The following TAFA5 variants were observed in gnomAD, a reference collection of about 807,000 sequenced individuals.
TAFA5 encodes the protein TAFA chemokine like family member 5, also known as chemokine-like protein TAFA-5.
TAFA5 carries 6 observed loss-of-function variants against 15.3 expected under a neutral mutation model. The ratio of observed to expected loss-of-function variants is 0.39; its 90% CI spans 0.21 to 0.77. The LOEUF (loss-of-function observed/expected upper bound fraction) is 0.77. Among genes scored for constraint, TAFA5 ranks in the 30% least tolerant of loss-of-function variants. TAFA5 has a pLI of 0.41. For missense variants in TAFA5, 161 were observed against 193.1 expected (o/e 0.83, Z 0.98); for synonymous variants, 103 against 80.7 (o/e 1.28, Z -1.48).
intron 1 of TAFA5, among the ~76,000 whole-genome samples, chr22:48,507,914 C>G (rs1921060005): frequency 6.6e-6 from 1 of 152,182 alleles, no homozygotes. Flanking sequence ...CATCTGCAGC[C>G]CTGGCCTGGC....
intron 1 of TAFA5, chr22:48,544,807 A>G (rs1302192530): frequency 2.1e-6 from 1 of 471,118 alleles, no homozygotes; most frequent in African/African-American, 2.0e-5. Context: ...CGAGGCCTGC[A>G]AACAAGGTGT....
At chr22:48,658,719 A>G (rs1463532345) in intron 2 of TAFA5, among the ~76,000 whole-genome samples, 1 of 152,248 alleles carries the variant, frequency 6.6e-6, no homozygotes, top group Non-Finnish European at 1.5e-5. Context: ...TCAGTGCTGC[A>G]GAGAACGTCT....
chr22:48,578,965 G>A (rs1215765223), intron 1 of TAFA5, among the ~76,000 whole-genome samples: 1 of 152,228 alleles, frequency 6.6e-6, no homozygotes, highest in East Asian at 1.9e-4. Context: ...GCAGGCGGGT[G>A]GACAATTGTG....
At chr22:48,564,118 G>T (rs895405810) in intron 1 of TAFA5, among the ~76,000 whole-genome samples, 1 of 152,242 alleles carries the variant, frequency 6.6e-6, no homozygotes, top group Non-Finnish European at 1.5e-5. Context: ...CACAAAGGCG[G>T]CTCATCCCCT....
At chr22:48,557,274 T>C (rs1210270074) in intron 1 of TAFA5, among the ~76,000 whole-genome samples, 4 of 152,128 alleles carry the variant, frequency 2.6e-5, no homozygotes, top group African/African-American at 9.7e-5. Context: ...GTATAACTGG[T>C]GTCCTTATAG....
At chr22:48,551,098 T>C (rs1484660028) in intron 1 of TAFA5, among the ~76,000 whole-genome samples, 1 of 151,352 alleles carries the variant, frequency 6.6e-6, no homozygotes, top group African/African-American at 2.4e-5. Flanking sequence ...GGGCACGGGG[T>C]GAGGTCCCTC....
chr22:48,584,722 CACACGCACCATAT>C (rs578218384), intron 1 of TAFA5, among the ~76,000 whole-genome samples: 1 of 148,540 alleles, frequency 6.7e-6, no homozygotes, highest in Non-Finnish European at 1.5e-5. Context: ...CCACACACCC[CACACGCACCATAT>C]ACACGCACCC....
At chr22:48,553,267 C>A (rs554516573) in intron 1 of TAFA5, among the ~76,000 whole-genome samples, 1 of 152,168 alleles carries the variant, frequency 6.6e-6, no homozygotes, top group Non-Finnish European at 1.5e-5. Context: ...TCCGTGGAGG[C>A]CCCCATGCCC....
At chr22:48,511,646 A>C (rs1921216294) in intron 1 of TAFA5, among the ~76,000 whole-genome samples, 1 of 152,024 alleles carries the variant, frequency 6.6e-6, no homozygotes, top group African/African-American at 2.4e-5. Context: ...GCAAGGCCCA[A>C]CCCCTGAGCT....
chr22:48,527,948 C>G (rs185956690), intron 1 of TAFA5, among the ~76,000 whole-genome samples: 1 of 152,356 alleles, frequency 6.6e-6, no homozygotes, highest in Non-Finnish European at 1.5e-5. Flanking sequence ...TCAGGCACTT[C>G]TGAGATGCAC....
intron 1 of TAFA5, among the ~76,000 whole-genome samples, chr22:48,507,258 T>C (rs1441425987): frequency 1.3e-5 from 2 of 150,424 alleles, no homozygotes; most frequent in Admixed American, 1.3e-4. Context: ...AGGTGTGCAG[T>C]TGGAGGAGAA....
chr22:48,636,057 G>A (rs984783737), intron 1 of TAFA5, among the ~76,000 whole-genome samples: 2 of 152,218 alleles, frequency 1.3e-5, no homozygotes, highest in Non-Finnish European at 2.9e-5. Context: ...GTGGCCAGAC[G>A]GCCAGGCCGC....
At chr22:48,538,431 C>G (rs1274221969) in intron 1 of TAFA5, among the ~76,000 whole-genome samples, 1 of 152,228 alleles carries the variant, frequency 6.6e-6, no homozygotes, top group Non-Finnish European at 1.5e-5. Context: ...CGAGCTTTCC[C>G]TCCCTTGAGC....
chr22:48,702,700 C>T (rs2147247425), intron 2 of TAFA5, among the ~76,000 whole-genome samples: 1 of 152,374 alleles, frequency 6.6e-6, no homozygotes, highest in East Asian at 1.9e-4. Flanking sequence ...GGGCACGCCG[C>T]TTCCCTTCCC....
intron 1 of TAFA5, among the ~76,000 whole-genome samples, chr22:48,553,528 G>A (rs548758311): frequency 6.6e-6 from 1 of 152,208 alleles, no homozygotes; most frequent in Admixed American, 6.5e-5. Context: ...GATGGTGGGA[G>A]AGGGTGAGGA....
chr22:48,588,857 C>G (rs926236639), intron 1 of TAFA5, among the ~76,000 whole-genome samples: 1 of 152,064 alleles, frequency 6.6e-6, no homozygotes, highest in Non-Finnish European at 1.5e-5. Flanking sequence ...CCTGGCCCCC[C>G]GTGATCTTCC....
chr22:48,600,827 C>T (rs1601606619), intron 1 of TAFA5, among the ~76,000 whole-genome samples: 1 of 152,324 alleles, frequency 6.6e-6, no homozygotes, highest in Non-Finnish European at 1.5e-5. Flanking sequence ...TGCGTACCCA[C>T]TGGTCACTTG....
At chr22:48,608,547 C>T (rs1462764197) in intron 1 of TAFA5, among the ~76,000 whole-genome samples, 1 of 152,098 alleles carries the variant, frequency 6.6e-6, no homozygotes, top group East Asian at 1.9e-4. Context: ...CTATTTTTTC[C>T]CCAGACATGC....
intron 3 of TAFA5, among the ~76,000 whole-genome samples, chr22:48,726,450 G>T (rs13054605): frequency 3.8e-4 from 55 of 145,272 alleles, no homozygotes; most frequent in African/African-American, 7.8e-4. Flanking sequence ...TGGTAGTCTG[G>T]ACGGGAGAAT....
Sources: allele counts gnomAD v4.1 joint callset (sites outside exome capture counted in the v4.1 genomes callset), GRCh38; gene constraint gnomAD v4.1.1; transcripts MANE v1.5; gene names NCBI Gene and HGNC (gene_info 2026-07-23, HGNC 2026-07-21).